The following MIER2 variants were observed in gnomAD, a reference collection of about 807,000 sequenced individuals.
MIER2 encodes mesoderm induction early response protein 2.
A neutral mutation model predicts 67.6 loss-of-function variants in MIER2; 30 were observed. That is an observed-to-expected ratio of 0.44 (90% CI 0.33 to 0.60). The LOEUF is 0.60. Ranked by LOEUF, MIER2 falls within the 20% of genes least tolerant of loss-of-function variation. MIER2 has a pLI of 0.02. For synonymous variants in MIER2, 372 were observed against 312.6 expected, an observed-to-expected ratio of 1.19 and a Z score of -2.00; for missense variants, 702 against 745.1, an observed-to-expected ratio of 0.94 and a Z score of 0.67.
chr19:328,615 G>C (rs1249317033), intron 3 of MIER2, among the ~76,000 whole-genome samples: 47 of 152,088 alleles, frequency 3.1e-4, no homozygotes, highest in Admixed American at 3.1e-3. Context: ...GTGCTTGGTG[G>C]CATCCACCTG....
chr19:311,795 C>A (rs748896625), intron 10 of MIER2, 50 bp downstream of exon 10: 1 of 1,588,350 alleles, frequency 6.3e-7, no homozygotes, highest in South Asian at 1.1e-5. Flanking sequence ...ACCCTGAGCC[C>A]CTCCCCAGAT....
At position 317,176 on chromosome 19, in the gene MIER2, C is replaced by T. The variant is rs572452101; in HGVS notation, c.656-3533G>A. Among the ~76,000 whole-genome samples the T allele has an allele frequency of 7.2e-5, 11 of 152,198 alleles. 1 individual carries two copies. The South Asian group carries it at 1.5e-3, about 20-fold the overall frequency. ...TTGGGAGGCCGACGTGGGCGGATCA[C>T]GAGGTCAGGAGATCGAGACCATCCT... On this transcript the variant is annotated intron_variant, in intron 7 of 13. Coordinates refer to ENST00000264819, the MANE Select transcript of MIER2 (RefSeq NM_017550.3).
At position 325,648 on chromosome 19, in the gene MIER2, C is replaced by T; in HGVS notation, c.642G>A (p.Arg214=). Residue 214 remains arginine (R), a synonymous_variant, in exon 7 of 14, where the codon CGG becomes CGA. Coordinates refer to ENST00000264819, the MANE Select transcript of MIER2 (RefSeq NM_017550.3). ...QADLSNLHLN[R]HCEKIYENED... is the part of the protein sequence containing the mutation. ...GGCCCTACTTACTCTTCTCACAGTGCCGGTTCAAGTGCAGGTTGCTGAGGT... is the reference window on the plus strand; with the variant it reads ...GGCCCTACTTACTCTTCTCACAGTGTCGGTTCAAGTGCAGGTTGCTGAGGT... 1 of 1,614,212 alleles carries T rather than the reference C, an allele frequency of 6.2e-7. No homozygotes were observed. The highest frequency in any genetic ancestry group is 8.5e-7 in the Non-Finnish European group (1 of 1,180,040).
chr19:344,003 T>C (rs1404122932), intron 1 of MIER2: 76 of 985,256 alleles, frequency 7.7e-5, no homozygotes, highest in Non-Finnish European at 9.2e-5. Flanking sequence ...CAGTCCAAAA[T>C]CCCACAGATC....
At chr19:336,936 A>G (rs1039649938) in intron 1 of MIER2, among the ~76,000 whole-genome samples, 1 of 151,800 alleles carries the variant, frequency 6.6e-6, no homozygotes, top group Non-Finnish European at 1.5e-5. Flanking sequence ...TCTGCCACCC[A>G]GGTTCAAGTG....
chr19:310,618 AC>A (rs1475057471), intron 10 of MIER2, among the ~76,000 whole-genome samples: 24 of 144,648 alleles, frequency 1.7e-4, no homozygotes, highest in African/African-American at 2.4e-4. Flanking sequence ...CTATAGAAAC[AC>A]AGCCCGGAGC....
At chr19:322,876 G>A (rs1264080897) in intron 7 of MIER2, among the ~76,000 whole-genome samples, 1 of 152,096 alleles carries the variant, frequency 6.6e-6, no homozygotes, top group African/African-American at 2.4e-5. Context: ...TGGCAGAAAG[G>A]GTGGGTAAAT....
intron 7 of MIER2, among the ~76,000 whole-genome samples, chr19:317,328 C>T (rs927838779): frequency 4.6e-5 from 7 of 151,826 alleles, no homozygotes; most frequent in Non-Finnish European, 1.0e-4. Flanking sequence ...GAGATCGAGA[C>T]CACCCGGGCT....
chr19:310,056 A>G (rs1257070339), intron 10 of MIER2, among the ~76,000 whole-genome samples: 3 of 151,464 alleles, frequency 2.0e-5, no homozygotes, highest in Admixed American at 6.6e-5. Context: ...ACACACGCAC[A>G]CAAGGCTTCA....
intron 1 of MIER2, among the ~76,000 whole-genome samples, chr19:343,376 C>T (rs902866104): frequency 4.6e-5 from 7 of 152,230 alleles, no homozygotes; most frequent in Non-Finnish European, 8.8e-5. Flanking sequence ...CGGCTTCTGC[C>T]TCCGACCCTG....
In MIER2 at chr19:307,877, C is replaced by G. The variant is rs568582991; in HGVS notation, c.1199-341G>C. Among the ~76,000 whole-genome samples, 14 of 152,198 alleles carry G rather than the reference C, an allele frequency of 9.2e-5. 1 individual carries two copies. In the South Asian group the frequency reaches 2.9e-3, roughly 32 times the overall value. On this transcript the variant is annotated intron_variant, in intron 12 of 13. Coordinates refer to ENST00000264819, the MANE Select transcript of MIER2 (RefSeq NM_017550.3). ...ACACAGACTTAGGTGTAAACAATGC[C>G]GGGGGCGCTGCGAGGGCTAATACAG...
At chr19:325,983 G>T (rs1490661677) in intron 6 of MIER2, among the ~76,000 whole-genome samples, 3 of 152,242 alleles carry the variant, frequency 2.0e-5, no homozygotes, top group African/African-American at 7.2e-5. Flanking sequence ...CAGGGGCCCA[G>T]GCTCCGGTCC....
chr19:320,423 T>TA (rs1023145974), intron 7 of MIER2, among the ~76,000 whole-genome samples: 2 of 151,496 alleles, frequency 1.3e-5, no homozygotes, highest in Non-Finnish European at 2.9e-5. Flanking sequence ...AATTTAAATT[T>TA]AAAAAATAGA....
In MIER2 at chr19:327,916, T is replaced by A; in HGVS notation, c.317A>T (p.Glu106Val). 2 of 1,612,990 alleles carry A rather than the reference T, an allele frequency of 1.2e-6. No homozygotes were observed. The change falls in exon 4 of 14, where the codon GAG (glutamate) becomes GTG (valine). Residue 106 changes from glutamate to valine, a missense_variant. Physicochemically the swap from Glu to Val is moderately radical, Grantham distance 121. Transcript: ENST00000264819. ...YEASDPISDR[E>V]SEGGDVAPNL... Reference sequence around the variant, plus strand: ...CGGGGCCACGTCACCACCCTCACTCTCCCGGTCTGAAATGGGGTCTGACGC... The same window carrying A: ...CGGGGCCACGTCACCACCCTCACTCACCCGGTCTGAAATGGGGTCTGACGC...
rs144215839 is a variant in MIER2 at position 326,215 on chromosome 19, G to A, written c.585+292C>T. 6.3e-4 allele frequency among the ~76,000 whole-genome samples: 95 copies of A among 151,692 alleles called. No individual in the cohort carries two copies. In the East Asian group the frequency reaches 0.01, roughly 16 times the overall value. ...CAGGTTGGAGACACAGCAGAGCCAC[G>A]GTCGGGATGCCAGGTTGGGGACACA... On this transcript the variant is annotated intron_variant, in intron 6 of 13. Coordinates refer to ENST00000264819, the MANE Select transcript of MIER2 (RefSeq NM_017550.3).
At chr19:326,239 C>G (rs80175151) in intron 6 of MIER2, among the ~76,000 whole-genome samples, 10 of 149,138 alleles carry the variant, frequency 6.7e-5, no homozygotes, top group Non-Finnish European at 1.5e-4. Context: ...GTTGGGGACA[C>G]AGCAGAGCCA....
chr19:312,594 G>A (rs761269164), intron 8 of MIER2, among the ~76,000 whole-genome samples: 2,135 of 74,734 alleles, frequency 0.029, no homozygotes, highest in African/African-American at 0.069. Context: ...CCTCCTGGGC[G>A]ATGTCAGAGC....
In MIER2 at chr19:327,846, G is replaced by C. The variant is rs769189806; in HGVS notation, c.369+18C>G. 1.2e-6 allele frequency: 2 copies of C among 1,610,656 alleles called. No individual in the cohort carries two copies. The highest frequency in any genetic ancestry group is 1.7e-6 in the Non-Finnish European group (2 of 1,178,390). The stretch of plus-strand genomic sequence containing the variant: ...CACCTTCAGCTGTGAGCCAGTTCCA[G>C]GAAGGGCCCTCACTTACTTTGTCCA... On this transcript the variant is annotated intron_variant, in intron 4 of 13. Transcript: ENST00000264819.
Position 308,936 on chromosome 19 carries a change from G to A in MIER2, c.985-11C>T. The A allele has an allele frequency of 6.3e-7, 1 of 1,594,994 alleles. No homozygotes were observed. Among genetic ancestry groups the A allele is most frequent in the Non-Finnish European group, 8.6e-7 (1 of 1,165,730 alleles). ...TGACCGTGTGCGCACCTGCGGGGAG[G>A]GGTCAGGAGCCATCTCTGTCCCCGG... On this transcript the variant is annotated splice_polypyrimidine_tract_variant and intron_variant, in intron 10 of 13. Transcript: ENST00000264819. The surrounding 1 kb of genome is among the most constrained non-coding windows in gnomAD (Gnocchi z 9.1).
Sources: gnomAD v4.1 joint callset for allele counts (sites outside exome capture counted in the v4.1 genomes callset) on GRCh38, gnomAD v4.1.1 for gene constraint, Gnocchi (gnomAD v3.1) non-coding constraint, MANE v1.5 for transcripts, NCBI Gene and HGNC (gene_info 2026-07-23, HGNC 2026-07-21) for gene names.